Variants in GRIN2A observed in about 807,000 individuals in gnomAD.
The protein encoded by GRIN2A is glutamate receptor ionotropic, NMDA 2A.
Under a neutral mutation model 113.4 loss-of-function variants are expected in GRIN2A, and 22 were observed. The observed-to-expected ratio is 0.19, with a 90% CI of 0.14 to 0.28. The LOEUF is 0.28. Among genes scored for constraint, GRIN2A ranks in the 10% least tolerant of loss-of-function variants. The pLI, the probability that GRIN2A is intolerant of heterozygous loss-of-function variation, is 1.00. For missense variants in GRIN2A, 1,502 were observed against 1,887.0 expected, an observed-to-expected ratio of 0.80 and a Z score of 3.78; for synonymous variants, 827 against 738.4, an observed-to-expected ratio of 1.12 and a Z score of -1.94.
Position 10,123,448 on chromosome 16 carries a change from C to T in GRIN2A, c.414+56550G>A, listed in dbSNP as rs138790637. ...TCCCTCAAGCAAAGGAACAGCTCCT[C>T]GTTGATGCCATAGTTTGCAAGATAC... On this transcript the variant is annotated intron_variant, in intron 2 of 12. Transcript: ENST00000330684. Among the ~76,000 whole-genome samples, 219 of 152,250 alleles carry T rather than the reference C, an allele frequency of 1.4e-3. 1 individual carries two copies. Among genetic ancestry groups the T allele is most frequent in the African/African-American group, 4.8e-3 (201 of 41,544 alleles).
chr16:10,138,659 C>T (rs982427878), intron 2 of GRIN2A, among the ~76,000 whole-genome samples: 2 of 152,138 alleles, frequency 1.3e-5, no homozygotes, highest in Admixed American at 6.5e-5. Flanking sequence ...ACACTGTGCA[C>T]TCTGTTTCCT....
At chr16:9,937,895 C>T in intron 3 of GRIN2A, 64 bp downstream of exon 3, 1 of 1,155,632 alleles carries the variant, frequency 8.7e-7, no homozygotes, top group Non-Finnish European at 1.3e-6. Flanking sequence ...AGTATGTAAG[C>T]AAGCAAACAA....
At chr16:10,123,428 C>G (rs1383598879) in intron 2 of GRIN2A, among the ~76,000 whole-genome samples, 1 of 152,140 alleles carries the variant, frequency 6.6e-6, no homozygotes, top group Admixed American at 6.5e-5. Flanking sequence ...CTAATTCCCT[C>G]AAGCAAAGGA....
chr16:10,145,931 C>A (rs967179474), intron 2 of GRIN2A, among the ~76,000 whole-genome samples: 1 of 152,196 alleles, frequency 6.6e-6, no homozygotes, highest in Non-Finnish European at 1.5e-5. Context: ...ACAGGAAAGA[C>A]TGAAATAAGA....
intron 2 of GRIN2A, among the ~76,000 whole-genome samples, chr16:9,976,256 T>C (rs573110430): frequency 4.7e-4 from 71 of 152,342 alleles, no homozygotes; most frequent in Non-Finnish European, 8.4e-4. Flanking sequence ...ATGACTACTA[T>C]GTGAGTCTGT....
At chr16:10,169,249 A>G (rs2049989016) in intron 2 of GRIN2A, among the ~76,000 whole-genome samples, 2 of 152,130 alleles carry the variant, frequency 1.3e-5, no homozygotes, top group African/African-American at 2.4e-5. Flanking sequence ...TTCAACGTCC[A>G]TCTTTAGATA....
Position 9,778,086 on chromosome 16 carries a change from C to G in GRIN2A, c.2357-8997G>C, listed in dbSNP as rs551457668. Among the ~76,000 whole-genome samples the G allele has an allele frequency of 1.6e-4, 24 of 152,090 alleles. No individual in the cohort carries two copies. The East Asian group carries it at 2.1e-3, about 13-fold the overall frequency. On this transcript the variant is annotated intron_variant, in intron 11 of 12. Coordinates refer to ENST00000330684, the MANE Select transcript of GRIN2A (RefSeq NM_001134407.3). Reference sequence around the variant, plus strand: ...CTCAAAAACAACAACAACAAAAAACCCAACTACAACTTGTGCAGCTTCCCA... The same window carrying G: ...CTCAAAAACAACAACAACAAAAAACGCAACTACAACTTGTGCAGCTTCCCA...
At chr16:9,807,395 AG>A in intron 10 of GRIN2A, among the ~76,000 whole-genome samples, 1 of 49,594 alleles carries the variant, frequency 2.0e-5, no homozygotes, top group African/African-American at 8.3e-5. Context: ...GGAGAGAGGG[AG>A]GGAGGGAGGG....
At chr16:9,829,750 C>T (rs767690267) in intron 8 of GRIN2A, 98 bp from the exon 9 acceptor site, 169 of 785,210 alleles carry the variant, frequency 2.2e-4, no homozygotes, top group Admixed American at 1.1e-3. Context: ...CCGAAGGTTG[C>T]CAGAAGATGG....
intron 2 of GRIN2A, among the ~76,000 whole-genome samples, chr16:9,993,355 G>C (rs1014393047): frequency 3.3e-5 from 5 of 152,020 alleles, no homozygotes; most frequent in Non-Finnish European, 4.4e-5. Flanking sequence ...TTCGAGACTA[G>C]TCTAGGCAAC....
At chr16:10,013,684 G>C in intron 2 of GRIN2A, among the ~76,000 whole-genome samples, 1 of 152,208 alleles carries the variant, frequency 6.6e-6, no homozygotes, top group East Asian at 1.9e-4. Context: ...TCCTGGGTCA[G>C]GAGCAAGGAC....
chr16:10,118,353 C>A (rs1405829262), intron 2 of GRIN2A, among the ~76,000 whole-genome samples: 1 of 152,104 alleles, frequency 6.6e-6, no homozygotes, highest in Non-Finnish European at 1.5e-5. Context: ...GTCACCCCCA[C>A]CCCACCCCAC....
chr16:9,901,631 T>C (rs1041383826), intron 3 of GRIN2A, among the ~76,000 whole-genome samples: 1 of 152,080 alleles, frequency 6.6e-6, no homozygotes, highest in Non-Finnish European at 1.5e-5. Context: ...GGCTAATTGT[T>C]TGTATTTTTA....
At chr16:9,993,832 G>A (rs572920356) in intron 2 of GRIN2A, among the ~76,000 whole-genome samples, 161 of 152,234 alleles carry the variant, frequency 1.1e-3, no homozygotes, top group Admixed American at 2.0e-3. Flanking sequence ...GAGATCCCAG[G>A]TCCATCATGA....
chr16:10,040,033 C>CACACA (rs1567254349), intron 2 of GRIN2A, among the ~76,000 whole-genome samples: 1 of 147,168 alleles, frequency 6.8e-6, no homozygotes, highest in Non-Finnish European at 1.5e-5. Context: ...CACAAATATA[C>CACACA]TACACACATC....
At position 9,993,215 on chromosome 16, in the gene GRIN2A, A is replaced by ACAGCAAGAC. The variant is rs571901519; in HGVS notation, c.415-54673_415-54665dup. Among the ~76,000 whole-genome samples the ACAGCAAGAC allele has an allele frequency of 5.5e-4, 83 of 152,262 alleles. 1 individual carries two copies. The East Asian group carries it at 8.5e-3, about 16-fold the overall frequency. ...TCCACTGCACTCCAGCCTCGGCTAC[A>ACAGCAAGAC]CAGCAAGACTCTGTCTCAAAAATAA... On this transcript the variant is annotated intron_variant, in intron 2 of 12. Transcript: ENST00000330684.
chr16:9,935,964 A>T (rs2141623450), intron 3 of GRIN2A, among the ~76,000 whole-genome samples: 1 of 152,256 alleles, frequency 6.6e-6, no homozygotes, highest in Non-Finnish European at 1.5e-5. Flanking sequence ...GGCCTCCCAA[A>T]GTGCTAGGAT....
chr16:9,895,384 C>T (rs935727947), intron 3 of GRIN2A, among the ~76,000 whole-genome samples: 18 of 152,170 alleles, frequency 1.2e-4, no homozygotes, highest in African/African-American at 4.3e-4. Context: ...GAGCTGCCGT[C>T]AGTTCACAAT....
chr16:10,078,257 C>G (rs543775680), intron 2 of GRIN2A, among the ~76,000 whole-genome samples: 1 of 152,222 alleles, frequency 6.6e-6, no homozygotes, highest in African/African-American at 2.4e-5. Flanking sequence ...GTGTGATGAA[C>G]AAACACCACA....
Sources: gnomAD v4.1 joint callset for allele counts (sites outside exome capture counted in the v4.1 genomes callset) on GRCh38, gnomAD v4.1.1 for gene constraint, MANE v1.5 for transcripts, NCBI Gene and HGNC (gene_info 2026-07-23, HGNC 2026-07-21) for gene names.